ZNF385D: variants seen among roughly 807,000 people sequenced by gnomAD.
ZNF385D encodes zinc finger protein 385D, also known as zinc finger protein 659.
A neutral mutation model predicts 35.8 loss-of-function variants in ZNF385D; 15 were observed. That is an observed-to-expected ratio of 0.42 (90% CI 0.28 to 0.64). The LOEUF is 0.64. Ranked by LOEUF, ZNF385D falls within the 30% of genes least tolerant of loss-of-function variation. ZNF385D has a pLI of 0.23. For synonymous variants in ZNF385D, 212 were observed against 186.8 expected, an observed-to-expected ratio of 1.13 and a Z score of -1.10; for missense variants, 474 against 494.6, an observed-to-expected ratio of 0.96 and a Z score of 0.39.
At chr3:22,352,864 C>A (rs1168046839) in intron 2 of ZNF385D, among the ~76,000 whole-genome samples, 1 of 152,140 alleles carries the variant, frequency 6.6e-6, no homozygotes, top group Admixed American at 6.5e-5. Context: ...CTTTCAGTCA[C>A]TTTCAAGTTG....
Position 21,421,194 on chromosome 3 carries a change from C to CA in ZNF385D, c.*19dup. On this transcript the variant is annotated 3_prime_UTR_variant, in exon 8 of 8. Coordinates refer to ENST00000281523, the MANE Select transcript of ZNF385D (RefSeq NM_024697.3). The stretch of plus-strand genomic sequence containing the variant: ...TGTTTTTTGAAAAATTATTGCAGTA[C>CA]AATTACTCCTATTTGGAATTTAGTA... 2 of 1,598,784 alleles carry CA rather than the reference C, an allele frequency of 1.3e-6. No homozygotes were observed. Among genetic ancestry groups the CA allele is most frequent in the Non-Finnish European group, 1.7e-6 (2 of 1,166,774 alleles).
chr3:21,829,668 G>A (rs989698976), intron 3 of ZNF385D, among the ~76,000 whole-genome samples: 7 of 152,016 alleles, frequency 4.6e-5, no homozygotes, highest in Non-Finnish European at 1.0e-4. Context: ...AAGTTGGGAG[G>A]AGCAGCTGCA....
At chr3:22,317,152 C>A (rs1053668103) in intron 2 of ZNF385D, among the ~76,000 whole-genome samples, 1 of 151,324 alleles carries the variant, frequency 6.6e-6, no homozygotes, top group African/African-American at 2.4e-5. Flanking sequence ...TGGCATGCAC[C>A]TGTAATTCCA....
At chr3:22,328,487 G>A (rs1267161327) in intron 2 of ZNF385D, among the ~76,000 whole-genome samples, 1 of 152,166 alleles carries the variant, frequency 6.6e-6, no homozygotes, top group Non-Finnish European at 1.5e-5. Context: ...AAAACTGGCT[G>A]GGTGTGGTGG....
intron 3 of ZNF385D, among the ~76,000 whole-genome samples, chr3:21,992,229 C>A (rs936715582): frequency 5.9e-5 from 9 of 151,918 alleles, no homozygotes; most frequent in African/African-American, 2.2e-4. Context: ...TATAGATATC[C>A]AGTAGAAGTC....
At chr3:21,782,681 C>G (rs1259098004) in intron 3 of ZNF385D, among the ~76,000 whole-genome samples, 1 of 152,004 alleles carries the variant, frequency 6.6e-6, no homozygotes, top group Non-Finnish European at 1.5e-5. Context: ...CTCTATTTTT[C>G]TTAGGATTAT....
intron 1 of ZNF385D, among the ~76,000 whole-genome samples, chr3:21,736,327 G>C (rs1194603993): frequency 6.6e-6 from 1 of 152,096 alleles, no homozygotes; most frequent in Non-Finnish European, 1.5e-5. Context: ...AGATACTCCA[G>C]TTTATTTCTA....
chr3:22,030,258 T>TAGG (rs1697859622), intron 3 of ZNF385D, among the ~76,000 whole-genome samples: 1 of 49,696 alleles, frequency 2.0e-5, no homozygotes, highest in African/African-American at 9.7e-5. Context: ...AACTCATTCA[T>TAGG]ATATATATAT....
intron 3 of ZNF385D, among the ~76,000 whole-genome samples, chr3:21,513,224 AAAAC>A (rs1707339208): frequency 6.6e-6 from 1 of 152,138 alleles, no homozygotes. Flanking sequence ...AACAAAAACA[AAAAC>A]AAACCAAAAC....
chr3:21,435,746 A>G (rs1304887693), intron 5 of ZNF385D, among the ~76,000 whole-genome samples: 1 of 152,208 alleles, frequency 6.6e-6, no homozygotes, highest in East Asian at 1.9e-4. Context: ...GAAGAAATGT[A>G]TTTGCATGAA....
At chr3:21,941,732 C>T (rs4280654) in intron 3 of ZNF385D, among the ~76,000 whole-genome samples, 39,431 of 151,570 alleles carry the variant, frequency 0.26, 5,829 homozygotes, top group Admixed American at 0.41. Flanking sequence ...CTCCTGACCT[C>T]GTGATCCGCC....
chr3:21,704,672 C>G (rs1046454965), intron 1 of ZNF385D, among the ~76,000 whole-genome samples: 1 of 151,884 alleles, frequency 6.6e-6, no homozygotes, highest in African/African-American at 2.4e-5. Flanking sequence ...CCAGGCCCAG[C>G]TAGGATATTA....
In ZNF385D at chr3:21,469,229, G is replaced by A. The variant is rs572527774; in HGVS notation, c.440-32026C>T. Reference sequence around the variant, plus strand: ...AAAACTTCCTCACTCATAATGATTCGCATGCTGTAAATGGAACATGAGAGG... The same window carrying A: ...AAAACTTCCTCACTCATAATGATTCACATGCTGTAAATGGAACATGAGAGG... On this transcript the variant is annotated intron_variant, in intron 4 of 7. Transcript: ENST00000281523. Among the ~76,000 whole-genome samples, 18 of 152,188 alleles carry A rather than the reference G, an allele frequency of 1.2e-4. No homozygotes were observed. The South Asian group carries it at 2.9e-3, about 25-fold the overall frequency.
At chr3:21,821,321 A>G (rs1296076447) in intron 3 of ZNF385D, among the ~76,000 whole-genome samples, 5 of 152,184 alleles carry the variant, frequency 3.3e-5, no homozygotes, top group African/African-American at 1.2e-4. Flanking sequence ...CCTTATCTCA[A>G]TAGTAGAAAA....
intron 3 of ZNF385D, among the ~76,000 whole-genome samples, chr3:21,823,559 G>T (rs1694411820): frequency 6.6e-6 from 1 of 152,142 alleles, no homozygotes; most frequent in Non-Finnish European, 1.5e-5. Flanking sequence ...TCTCTCTGGG[G>T]ATGAAGTCAA....
chr3:21,656,980 A>C (rs2066090197), intron 2 of ZNF385D, among the ~76,000 whole-genome samples: 3 of 151,978 alleles, frequency 2.0e-5, no homozygotes, highest in African/African-American at 7.2e-5. Context: ...TCACAGTAGG[A>C]AACAGGCCAA....
intron 2 of ZNF385D, among the ~76,000 whole-genome samples, chr3:22,284,481 C>A (rs1011517151): frequency 6.6e-6 from 1 of 152,002 alleles, no homozygotes; most frequent in Non-Finnish European, 1.5e-5. Context: ...TGAGCCACTG[C>A]ACCTGTCCCC....
intron 2 of ZNF385D, among the ~76,000 whole-genome samples, chr3:22,174,670 A>T (rs1417997540): frequency 6.6e-6 from 1 of 152,150 alleles, no homozygotes. Flanking sequence ...TAATATCTCC[A>T]GAAATTATTT....
intron 3 of ZNF385D, among the ~76,000 whole-genome samples, chr3:21,921,308 G>A (rs572048302): frequency 6.0e-5 from 9 of 150,824 alleles, no homozygotes; most frequent in African/African-American, 9.8e-5. Context: ...CCCAAATCAC[G>A]TAACACTTGG....
Sources: gnomAD v4.1 joint callset for allele counts (sites outside exome capture counted in the v4.1 genomes callset) on GRCh38, gnomAD v4.1.1 for gene constraint, MANE v1.5 for transcripts, NCBI Gene and HGNC (gene_info 2026-07-23, HGNC 2026-07-21) for gene names.